Variants in CACNA1C observed in about 807,000 individuals in gnomAD.
The protein encoded by CACNA1C is calcium voltage-gated channel subunit alpha1 C.
CACNA1C carries 30 observed loss-of-function variants against 229.0 expected under a neutral mutation model. That is an observed-to-expected ratio of 0.13 (90% CI 0.10 to 0.18). The LOEUF is 0.18. Among genes scored for constraint, CACNA1C ranks in the 10% least tolerant of loss-of-function variants. The pLI is 1.00. For synonymous variants in CACNA1C, 1,114 were observed against 1,132.5 expected (o/e 0.98, Z 0.33); for missense variants, 1,658 against 2,845.0 (o/e 0.58, Z 9.49).
chr12:2,100,049 C>T (rs1176375166), intron 1 of CACNA1C, among the ~76,000 whole-genome samples: 1 of 152,222 alleles, frequency 6.6e-6, no homozygotes, highest in Non-Finnish European at 1.5e-5. Context: ...GTCCATGCCC[C>T]TGAGTGCCAG....
intron 10 of CACNA1C, among the ~76,000 whole-genome samples, chr12:2,554,187 GA>G (rs2042836478): frequency 6.6e-6 from 1 of 152,090 alleles, no homozygotes; most frequent in Non-Finnish European, 1.5e-5. Context: ...GTAACTAGGG[GA>G]AAAAAGGAGT....
At chr12:2,544,721 C>G (rs912679501) in intron 9 of CACNA1C, among the ~76,000 whole-genome samples, 2 of 152,198 alleles carry the variant, frequency 1.3e-5, no homozygotes, top group Admixed American at 6.5e-5. Flanking sequence ...AAAGCATTTT[C>G]CCTGCAAAAA....
chr12:2,623,267 C>G (rs1032776801), intron 29 of CACNA1C, among the ~76,000 whole-genome samples: 13 of 152,108 alleles, frequency 8.5e-5, no homozygotes, highest in Admixed American at 2.6e-4. Context: ...TCCCATCCCT[C>G]CCCTGCCGTA....
intron 3 of CACNA1C, among the ~76,000 whole-genome samples, chr12:2,162,157 C>T (rs2154249001): frequency 6.6e-6 from 1 of 152,202 alleles, no homozygotes; most frequent in South Asian, 2.1e-4. Context: ...TCTACCCTTC[C>T]AGGGCCTCTC....
At chr12:2,593,385 C>T in intron 19 of CACNA1C, 40 bp downstream of exon 19, 5 of 1,608,170 alleles carry the variant, frequency 3.1e-6, no homozygotes, top group Non-Finnish European at 4.2e-6. Flanking sequence ...CCTGCTCTCT[C>T]TAGTACCAGC....
In CACNA1C at chr12:1,996,616, TAAAAAAAAAAAAAAAAAA is replaced by T. The variant is rs78563698; in HGVS notation, c.139+25437_139+25454del. On this transcript the variant is annotated intron_variant, in intron 1 of 46. Transcript: ENST00000682462. Reference sequence around the variant, plus strand: ...AATACACTAATAATAGCTGATGAGCTAAAAAAAAAAAAAAAAAAAAAAAAAAAAAAAAAAAAAAACAAC... The same window carrying T: ...AATACACTAATAATAGCTGATGAGCTAAAAAAAAAAAAAAAAAAAAACAAC... Among the ~76,000 whole-genome samples, 13 of 18,842 alleles carry T rather than the reference TAAAAAAAAAAAAAAAAAA, an allele frequency of 6.9e-4. No homozygotes were observed. In the South Asian group the frequency reaches 0.017, roughly 25 times the overall value. 12.4% of individuals were successfully genotyped at this position (18,842 alleles called of 152,430 possible). A position where few individuals can be genotyped will look rare whatever the true frequency, so the allele number is the denominator to read the frequency against.
chr12:1,973,178 A>G (rs1218011902), intron 1 of CACNA1C, among the ~76,000 whole-genome samples: 1 of 152,186 alleles, frequency 6.6e-6, no homozygotes, highest in Non-Finnish European at 1.5e-5. Context: ...TCTACATAGC[A>G]CTGTTATCTT....
chr12:2,414,103 C>T (rs182674071), intron 3 of CACNA1C, among the ~76,000 whole-genome samples: 12 of 149,286 alleles, frequency 8.0e-5, no homozygotes, highest in South Asian at 6.5e-4. Flanking sequence ...ATTTGCTGGC[C>T]GTGGGACCCG....
intron 5 of CACNA1C, among the ~76,000 whole-genome samples, chr12:2,474,218 G>A (rs1244805986): frequency 1.3e-5 from 2 of 152,170 alleles, no homozygotes; most frequent in East Asian, 3.9e-4. Flanking sequence ...TGCAGTGAGT[G>A]CAACCAAGCC....
intron 1 of CACNA1C, among the ~76,000 whole-genome samples, chr12:2,060,042 C>T (rs556073164): frequency 6.6e-6 from 1 of 152,328 alleles, no homozygotes; most frequent in East Asian, 1.9e-4. Context: ...AAAACACTTT[C>T]TTAGGCTACA....
chr12:2,078,264 G>T (rs1431803273), intron 1 of CACNA1C, among the ~76,000 whole-genome samples: 1 of 152,182 alleles, frequency 6.6e-6, no homozygotes, highest in Non-Finnish European at 1.5e-5. Flanking sequence ...CCATCTGCTG[G>T]CACCTTGATC....
At chr12:2,362,419 C>T (rs2097580440) in intron 3 of CACNA1C, among the ~76,000 whole-genome samples, 1 of 152,192 alleles carries the variant, frequency 6.6e-6, no homozygotes, top group Admixed American at 6.5e-5. Flanking sequence ...TCCTTTACTC[C>T]TTCTGAATCC....
At chr12:2,186,851 GC>G (rs1365872767) in intron 3 of CACNA1C, among the ~76,000 whole-genome samples, 2 of 152,138 alleles carry the variant, frequency 1.3e-5, no homozygotes, top group African/African-American at 4.8e-5. Flanking sequence ...AAGAGCAGGG[GC>G]TCTGCATTCA....
chr12:2,071,430 C>T (rs11062105), intron 1 of CACNA1C, among the ~76,000 whole-genome samples: 21,696 of 151,286 alleles, frequency 0.14, 1,668 homozygotes, highest in South Asian at 0.2. Flanking sequence ...GCTATGTTGC[C>T]GAGGCTGATC....
rs146111416 is a variant in CACNA1C, at chr12:1,993,682, C to T, written c.139+22481C>T. ...TATACAGATGTTGTTTATTTCTTAA[C>T]CTAACGTTGTAAATTCCTTTAAGGC... On this transcript the variant is annotated intron_variant, in intron 1 of 46. Coordinates refer to the CACNA1C transcript ENST00000682462. Among the ~76,000 whole-genome samples the T allele has an allele frequency of 7.4e-3, 1,092 of 146,754 alleles. 19 individuals carry two copies. The highest frequency in any genetic ancestry group is 0.026 in the African/African-American group (1,013 of 39,240).
intron 29 of CACNA1C, among the ~76,000 whole-genome samples, chr12:2,621,541 A>T (rs1385100472): frequency 2.0e-5 from 3 of 151,932 alleles, no homozygotes; most frequent in Non-Finnish European, 2.9e-5. Context: ...AGTGGGGAGG[A>T]TTATATAATC....
Position 2,590,998 on chromosome 12 carries a change from G to A in CACNA1C, c.2531-2215G>A, listed in dbSNP as rs73241730. Reference sequence around the variant, plus strand: ...CTTTTCTTTTACATACCAAGGGTTGGGTGTCACAAGAACTCCAACTCTTGT... The same window carrying A: ...CTTTTCTTTTACATACCAAGGGTTGAGTGTCACAAGAACTCCAACTCTTGT... On this transcript the variant is annotated intron_variant, in intron 18 of 46. Transcript: ENST00000399655. Among the ~76,000 whole-genome samples the A allele has an allele frequency of 7.0e-3, 1,061 of 152,174 alleles. 14 individuals are homozygous for A. The highest frequency in any genetic ancestry group is 0.024 in the African/African-American group (1,008 of 41,526).
At chr12:2,037,069 T>G (rs984534675) in intron 1 of CACNA1C, among the ~76,000 whole-genome samples, 2 of 152,230 alleles carry the variant, frequency 1.3e-5, no homozygotes, top group African/African-American at 4.8e-5. Flanking sequence ...CCAGGTGGCA[T>G]GAGTTACCTT....
intron 46 of CACNA1C, among the ~76,000 whole-genome samples, chr12:2,690,444 C>T (rs1304584813): frequency 6.6e-6 from 1 of 152,214 alleles, no homozygotes; most frequent in African/African-American, 2.4e-5. Flanking sequence ...ATCCTCCCAC[C>T]TCAGTCTCTG....
Sources: gnomAD v4.1 joint callset for allele counts (sites outside exome capture counted in the v4.1 genomes callset) on GRCh38, gnomAD v4.1.1 for gene constraint, MANE v1.5 for transcripts, NCBI Gene and HGNC (gene_info 2026-07-23, HGNC 2026-07-21) for gene names.